Variants in FBLIM1 observed in about 807,000 individuals in gnomAD.
FBLIM1 encodes the protein filamin-binding LIM protein 1.
A neutral mutation model predicts 37.4 loss-of-function variants in FBLIM1; 29 were observed. The ratio of observed to expected loss-of-function variants is 0.77; its 90% confidence interval spans 0.58 to 1.06. The LOEUF (loss-of-function observed/expected upper bound fraction) is 1.06, where lower values mean the gene tolerates loss of function less well. FBLIM1 is among the 50% of genes least tolerant of loss of function. The pLI is 0.00. For missense variants in FBLIM1, 449 were observed against 505.6 expected (o/e 0.89, Z 1.07); for synonymous variants, 193 against 199.0 (o/e 0.97, Z 0.25).
At chr1:15,772,289 G>C (rs2069254779) in intron 6 of FBLIM1, among the ~76,000 whole-genome samples, 1 of 152,212 alleles carries the variant, frequency 6.6e-6, no homozygotes, top group Admixed American at 6.5e-5. Flanking sequence ...ACTGTGGGAA[G>C]AGAGAGGAGC....
intron 8 of FBLIM1, among the ~76,000 whole-genome samples, chr1:15,784,086 C>T (rs1260654351): frequency 6.6e-6 from 1 of 152,206 alleles, no homozygotes; most frequent in Non-Finnish European, 1.5e-5. Flanking sequence ...ACCTGGGAGG[C>T]AGGAGAATCG....
At chr1:15,760,111 C>T (rs2068597174) in intron 1 of FBLIM1, among the ~76,000 whole-genome samples, 2 of 151,976 alleles carry the variant, frequency 1.3e-5, no homozygotes, top group South Asian at 4.1e-4. Flanking sequence ...GTAATCCCAG[C>T]TATTCGGCGG....
intron 8 of FBLIM1, among the ~76,000 whole-genome samples, chr1:15,784,075 T>C (rs1346620616): frequency 6.6e-6 from 1 of 152,108 alleles, no homozygotes; most frequent in African/African-American, 2.4e-5. Flanking sequence ...TAATCCCAGC[T>C]ACCTGGGAGG....
intron 1 of FBLIM1, among the ~76,000 whole-genome samples, chr1:15,761,815 C>T (rs1041241592): frequency 5.3e-5 from 8 of 152,138 alleles, no homozygotes; most frequent in African/African-American, 1.9e-4. Context: ...ATCCATCAGT[C>T]GCTGTGAACC....
intron 8 of FBLIM1, among the ~76,000 whole-genome samples, chr1:15,779,427 A>G (rs2069580263): frequency 6.6e-6 from 1 of 151,204 alleles, no homozygotes; most frequent in Non-Finnish European, 1.5e-5. Flanking sequence ...GCCTCAGCCT[A>G]CCAAGCAGCT....
chr1:15,783,539 A>G (rs937108272), intron 8 of FBLIM1, among the ~76,000 whole-genome samples: 1 of 150,026 alleles, frequency 6.7e-6, no homozygotes, highest in Non-Finnish European at 1.5e-5. Context: ...TTGGCCTTAA[A>G]CAGGGTTCCT....
intron 6 of FBLIM1, among the ~76,000 whole-genome samples, chr1:15,772,539 G>A (rs972391331): frequency 1.1e-4 from 17 of 152,202 alleles, no homozygotes; most frequent in Non-Finnish European, 2.4e-4. Context: ...CAGCCAGGAA[G>A]GAGAGACAGC....
At chr1:15,768,448 T>A (rs1189024776) in intron 4 of FBLIM1, 80 bp from the exon 5 acceptor site, 3 of 973,442 alleles carry the variant, frequency 3.1e-6, no homozygotes, top group Non-Finnish European at 4.4e-6. Context: ...TAATTGTACC[T>A]GTTACCACCC....
At chr1:15,777,866 C>T (rs1319836172) in intron 8 of FBLIM1, among the ~76,000 whole-genome samples, 1 of 152,166 alleles carries the variant, frequency 6.6e-6, no homozygotes, top group African/African-American at 2.4e-5. Context: ...AGCAACCACG[C>T]CCAGCCTCTT....
chr1:15,776,586 T>C (rs1416918158), intron 7 of FBLIM1, among the ~76,000 whole-genome samples: 4 of 151,724 alleles, frequency 2.6e-5, no homozygotes, highest in Admixed American at 2.0e-4. Flanking sequence ...AAGTACTGGC[T>C]GGGCACAGTG....
At position 15,765,008 on chromosome 1, in the gene FBLIM1, G is replaced by T; in HGVS notation, c.25G>T (p.Val9Leu). Residue 9 changes from valine to leucine, a missense_variant, in exon 3 of 9, where the codon GTG becomes TTG. Val to Leu is a conservative substitution (Grantham distance 32). Coordinates refer to ENST00000375766, the MANE Select transcript of FBLIM1 (RefSeq NM_017556.4). This position sits in a 1 kb window ranked among gnomAD's most constrained non-coding sequence, Gnocchi z 5.9. ...CATGGCCTCAAAGCCTGAGAAGAGG[G>T]TGGCATCGTCTGTCTTTATCACCCT... MASKPEKR[V>L]ASSVFITLAP... The T allele has an allele frequency of 6.2e-7, 1 of 1,613,760 alleles. No individual in the cohort carries two copies. Among genetic ancestry groups the T allele is most frequent in the Non-Finnish European group, 8.5e-7 (1 of 1,179,898 alleles).
Position 15,785,321 on chromosome 1 carries a change from ACTCCGT to A in FBLIM1, c.*664_*669del, listed in dbSNP as rs2069744367. 9.8e-6 allele frequency: 1 copy of A among 102,226 alleles called. No homozygotes were observed. The highest frequency in any genetic ancestry group is 4.1e-5 in the African/African-American group (1 of 24,494). The allele number at this position is 102,226 out of a possible 1,614,324, so 6.3% of individuals were successfully genotyped here. ...TTCCAGCCTGGGCAACAAGAGGGAA[ACTCCGT>A]CTCAAAAAAAAAAAAGTGCCTTTTA... On this transcript the variant is annotated 3_prime_UTR_variant, in exon 9 of 9. Transcript: ENST00000375766.
intron 6 of FBLIM1, among the ~76,000 whole-genome samples, chr1:15,773,783 A>G (rs2069348138): frequency 1.3e-5 from 2 of 152,126 alleles, no homozygotes; most frequent in African/African-American, 4.8e-5. Flanking sequence ...TAAAATAAAG[A>G]CATCCAAACA....
At chr1:15,759,749 AGGAAAGAAGTG>A (rs1308323663) in intron 1 of FBLIM1, among the ~76,000 whole-genome samples, 1 of 152,080 alleles carries the variant, frequency 6.6e-6, no homozygotes, top group Non-Finnish European at 1.5e-5. Flanking sequence ...GTCACCCCGC[AGGAAAGAAGTG>A]GGGCCGCGTG....
chr1:15,758,841 C>A lies in FBLIM1; in HGVS notation c.-218C>A, dbSNP rs2068520965. ...CGGATCGGAGCCGCCGGGGCGCGGG[C>A]GGCCCAGGTAAGCGGGCCGGGTGGG... On this transcript the variant is annotated 5_prime_UTR_variant, in exon 1 of 9. Transcript: ENST00000375766. The surrounding 1 kb of genome is among the most constrained non-coding windows in gnomAD (Gnocchi z 6.2). The A allele has an allele frequency of 8.0e-6, 1 of 124,748 alleles. No individual in the cohort carries two copies. The highest frequency in any genetic ancestry group is 1.7e-5 in the Non-Finnish European group (1 of 60,330). The allele number at this position is 124,748 out of a possible 1,614,324, so 7.7% of individuals were successfully genotyped here. A position where few individuals can be genotyped will look rare whatever the true frequency, so the allele number is the denominator to read the frequency against.
rs138714730 is a variant in FBLIM1 at position 15,765,139 on chromosome 1, C to T, written c.156C>T (p.Pro52=). ...AGGCTCCTGCCCCCATGAAGACACC[C>T]GAGGCTGGCTTGGCGGGGAGGCCCA... The part of the protein sequence containing the change: ...PWEAPAPMKT[P]EAGLAGRPSP... The change falls in exon 3 of 9, where the codon CCC becomes CCT. Residue 52 remains proline (P), a synonymous_variant. Coordinates refer to ENST00000375766, the MANE Select transcript of FBLIM1 (RefSeq NM_017556.4). The surrounding 1 kb of genome is among the most constrained non-coding windows in gnomAD (Gnocchi z 5.9). 251 of 1,613,848 alleles carry T rather than the reference C, an allele frequency of 1.6e-4. No individual in the cohort carries two copies. The East Asian group carries it at 1.7e-3, about 11-fold the overall frequency.
chr1:15,784,164 G>A (rs1436725181), intron 8 of FBLIM1, among the ~76,000 whole-genome samples: 1 of 152,218 alleles, frequency 6.6e-6, no homozygotes, highest in Non-Finnish European at 1.5e-5. Flanking sequence ...CTGGGCGACA[G>A]AGCAAGACTG....
rs2069767021 is a variant in FBLIM1 at position 15,786,375 on chromosome 1, G to A, written c.*1714G>A. On this transcript the variant is annotated 3_prime_UTR_variant, in exon 9 of 9. Coordinates refer to ENST00000375766, the MANE Select transcript of FBLIM1 (RefSeq NM_017556.4). The stretch of plus-strand genomic sequence containing the variant: ...CGTCTTGCCCTGAGCCTAGAGCAGG[G>A]AGTCCCGAACTTCTGCATTCACAGA... 1 of 152,184 alleles carries A rather than the reference G, an allele frequency of 6.6e-6. No homozygotes were observed. The highest frequency in any genetic ancestry group is 6.6e-5 in the Admixed American group (1 of 15,266). The allele number at this position is 152,184 out of a possible 1,614,324, so 9.4% of individuals were successfully genotyped here.
intron 1 of FBLIM1, among the ~76,000 whole-genome samples, chr1:15,759,747 G>T (rs959158471): frequency 2.0e-5 from 3 of 152,134 alleles, no homozygotes; most frequent in Non-Finnish European, 2.9e-5. Flanking sequence ...GGGTCACCCC[G>T]CAGGAAAGAA....
Sources: allele counts gnomAD v4.1 joint callset (sites outside exome capture counted in the v4.1 genomes callset), GRCh38; gene constraint gnomAD v4.1.1; non-coding constraint Gnocchi (gnomAD v3.1); transcripts MANE v1.5; gene names NCBI Gene and HGNC (gene_info 2026-07-23, HGNC 2026-07-21).